Variants in IMMT observed in about 807,000 individuals in gnomAD.
IMMT encodes inner membrane mitochondrial protein.
Under a neutral mutation model 92.7 loss-of-function variants are expected in IMMT, and 40 were observed. The ratio of observed to expected loss-of-function variants is 0.43; its 90% CI spans 0.34 to 0.56. The LOEUF (loss-of-function observed/expected upper bound fraction) is 0.56. Ranked by LOEUF, IMMT falls within the 20% of genes least tolerant of loss-of-function variation. The pLI is 0.03. For synonymous variants in IMMT, 322 were observed against 336.1 expected, an observed-to-expected ratio of 0.96 and a Z score of 0.46; for missense variants, 831 against 912.1, an observed-to-expected ratio of 0.91 and a Z score of 1.14.
intron 10 of IMMT, among the ~76,000 whole-genome samples, chr2:86,154,449 G>C (rs1381405857): frequency 2.0e-5 from 3 of 152,188 alleles, no homozygotes; most frequent in Non-Finnish European, 4.4e-5. Context: ...GGGATTACAG[G>C]CGTGAGCCAC....
intron 6 of IMMT, 24 bp downstream of exon 6, chr2:86,170,725 T>C: frequency 6.6e-7 from 1 of 1,512,574 alleles, no homozygotes. Context: ...CCAAAATCCT[T>C]AAGAAGCTGT....
At position 86,171,220 on chromosome 2, in the gene IMMT, G is replaced by T; in HGVS notation, c.547C>A (p.Pro183Thr). The change falls in exon 5 of 15, where the codon CCT becomes ACT. Residue 183 changes from proline to threonine, a missense_variant. Transcript: ENST00000410111. ...HPEIGEGKPTPALSEEASSSS... is the reference protein window; with the variant it reads ...HPEIGEGKPTTALSEEASSSS... Reference sequence around the variant, plus strand: ...ATAATTAAATTACCTGAAAGTGCAGGTGTGGGTTTTCCTTCACCAATTTCA... The same window carrying T: ...ATAATTAAATTACCTGAAAGTGCAGTTGTGGGTTTTCCTTCACCAATTTCA... 6.3e-7 allele frequency: 1 copy of T among 1,594,668 alleles called. No homozygotes were observed. Among genetic ancestry groups the T allele is most frequent in the Non-Finnish European group, 8.6e-7 (1 of 1,169,498 alleles).
intron 1 of IMMT, among the ~76,000 whole-genome samples, chr2:86,190,807 G>A (rs1010183197): frequency 6.6e-6 from 1 of 152,114 alleles, no homozygotes; most frequent in Non-Finnish European, 1.5e-5. Context: ...GGCTAATATG[G>A]TGAAACCCTG....
intron 9 of IMMT, 77 bp from the exon 10 acceptor site, chr2:86,158,798 C>A: frequency 8.4e-7 from 1 of 1,185,060 alleles, no homozygotes; most frequent in South Asian, 1.5e-5. Flanking sequence ...AAGTAGTATT[C>A]CTTCATTTGT....
Position 86,173,592 on chromosome 2 carries a change from A to C in IMMT, c.421+58T>G. 3.0e-6 allele frequency: 3 copies of C among 1,016,656 alleles called. No homozygotes were observed. In the South Asian group the frequency reaches 4.3e-5, roughly 15 times the overall value. The allele number at this position is 1,016,656 out of a possible 1,614,324, so 63.0% of individuals were successfully genotyped here. A position where few individuals can be genotyped will look rare whatever the true frequency, so the allele number is the denominator to read the frequency against. ...CGAAACTCCATCTCAAAAAAAAAAA[A>C]AGAATTGGTGAAGAGATTTACCTAT... On this transcript the variant is annotated intron_variant, in intron 4 of 14. Coordinates refer to ENST00000410111, the MANE Select transcript of IMMT (RefSeq NM_006839.3).
chr2:86,148,219 C>G (rs1430904902), intron 12 of IMMT, among the ~76,000 whole-genome samples: 1 of 152,240 alleles, frequency 6.6e-6, no homozygotes, highest in Non-Finnish European at 1.5e-5. Context: ...CGTAGCTTTA[C>G]TACAACCATC....
chr2:86,181,819 G>A (rs995423310), intron 1 of IMMT, among the ~76,000 whole-genome samples: 1 of 152,168 alleles, frequency 6.6e-6, no homozygotes, highest in Non-Finnish European at 1.5e-5. Flanking sequence ...TCTAACCTCA[G>A]CTAACTGATC....
At chr2:86,155,199 G>A (rs1019625492) in intron 10 of IMMT, among the ~76,000 whole-genome samples, 2 of 152,050 alleles carry the variant, frequency 1.3e-5, no homozygotes, top group African/African-American at 2.4e-5. Flanking sequence ...CATTCAACAA[G>A]TCCAAAGACA....
chr2:86,171,859 TA>T (rs1558829860), intron 4 of IMMT, among the ~76,000 whole-genome samples: 15 of 113,572 alleles, frequency 1.3e-4, no homozygotes, highest in Non-Finnish European at 2.8e-4. Flanking sequence ...TATATATATA[TA>T]TATTTTTTGC....
chr2:86,153,691 A>G (rs1334548984), intron 10 of IMMT, 117 bp from the exon 11 acceptor site: 10 of 554,194 alleles, frequency 1.8e-5, no homozygotes, highest in South Asian at 3.0e-5. Context: ...AGTACCAGGA[A>G]AAGCTATTTT....
chr2:86,176,828 C>A (rs1677459310), intron 3 of IMMT, among the ~76,000 whole-genome samples: 1 of 152,198 alleles, frequency 6.6e-6, no homozygotes, highest in Admixed American at 6.5e-5. Context: ...AATTTTTCAA[C>A]CTTACTCCAT....
Position 86,144,063 on chromosome 2 carries a change from C to G in IMMT, c.*205G>C. The stretch of plus-strand genomic sequence containing the variant: ...ACCTGAAAAAACAGAAAATGTTACA[C>G]AAGTTGCAAAGAAAGCACTCCTGGC... On this transcript the variant is annotated 3_prime_UTR_variant, in exon 15 of 15. Coordinates refer to ENST00000410111, the MANE Select transcript of IMMT (RefSeq NM_006839.3). The G allele has an allele frequency of 1.6e-6, 1 of 618,416 alleles. No homozygotes were observed. Among genetic ancestry groups the G allele is most frequent in the Non-Finnish European group, 2.8e-6 (1 of 357,392 alleles). The allele number at this position is 618,416 out of a possible 1,614,324, so 38.3% of individuals were successfully genotyped here. A position where few individuals can be genotyped will look rare whatever the true frequency, so the allele number is the denominator to read the frequency against.
intron 6 of IMMT, among the ~76,000 whole-genome samples, chr2:86,167,541 G>C (rs1676800511): frequency 7.1e-6 from 1 of 141,366 alleles, no homozygotes; most frequent in African/African-American, 2.7e-5. Context: ...CTAGAGTGCA[G>C]TGGCACCGTC....
intron 2 of IMMT, among the ~76,000 whole-genome samples, chr2:86,180,955 G>A (rs189402382): frequency 1.3e-5 from 2 of 152,186 alleles, no homozygotes; most frequent in East Asian, 3.9e-4. Context: ...GTCACAATAT[G>A]AAAAGCTAAT....
chr2:86,177,982 A>G (rs1345781778), intron 3 of IMMT, among the ~76,000 whole-genome samples: 3 of 152,194 alleles, frequency 2.0e-5, no homozygotes. Flanking sequence ...CTCCAAAAGA[A>G]TAATTATCCA....
At chr2:86,159,080 C>CA (rs554066311) in intron 9 of IMMT, among the ~76,000 whole-genome samples, 49 of 143,300 alleles carry the variant, frequency 3.4e-4, no homozygotes, top group South Asian at 6.6e-4. Flanking sequence ...GTGTCCAAGG[C>CA]AAAAAAAAAA....
intron 3 of IMMT, among the ~76,000 whole-genome samples, chr2:86,174,000 T>C (rs1677268984): frequency 6.6e-6 from 1 of 152,244 alleles, no homozygotes; most frequent in Non-Finnish European, 1.5e-5. Flanking sequence ...AAGGTTTCTA[T>C]TAGGGTGACC....
chr2:86,168,315 G>A (rs895987174), intron 6 of IMMT, among the ~76,000 whole-genome samples: 1 of 152,180 alleles, frequency 6.6e-6, no homozygotes, highest in Non-Finnish European at 1.5e-5. Flanking sequence ...AAGGCGGCTA[G>A]TAAGAATACT....
chr2:86,157,274 G>A (rs538955256), intron 10 of IMMT, among the ~76,000 whole-genome samples: 2 of 152,258 alleles, frequency 1.3e-5, no homozygotes, highest in Admixed American at 1.3e-4. Flanking sequence ...CATTCAAAGA[G>A]CTCAATGTCT....
Sources: allele counts gnomAD v4.1 joint callset (sites outside exome capture counted in the v4.1 genomes callset), GRCh38; gene constraint gnomAD v4.1.1; transcripts MANE v1.5; gene names NCBI Gene and HGNC (gene_info 2026-07-23, HGNC 2026-07-21).